ULK4: variants seen among roughly 807,000 people sequenced by gnomAD.
ULK4 encodes the protein unc-51 like kinase 4.
In ULK4, 133 loss-of-function variants were observed where a neutral mutation model predicts 160.6. The ratio of observed to expected loss-of-function variants is 0.83; its 90% confidence interval spans 0.72 to 0.96. The LOEUF is 0.96. ULK4 is among the 40% of genes least tolerant of loss of function. The probability of loss-of-function intolerance (pLI) is 0.00; values close to 1 mark genes in which losing one functional copy is unlikely to be tolerated. For synonymous variants in ULK4, 534 were observed against 539.8 expected, an observed-to-expected ratio of 0.99 and a Z score of 0.15; for missense variants, 1,580 against 1,499.5, an observed-to-expected ratio of 1.05 and a Z score of -0.89.
At chr3:41,879,358 G>A (rs1322935558) in intron 17 of ULK4, among the ~76,000 whole-genome samples, 6 of 151,972 alleles carry the variant, frequency 3.9e-5, no homozygotes, top group Admixed American at 6.6e-5. Flanking sequence ...AAAGAGAGAG[G>A]GAGAGAAAAA....
intron 17 of ULK4, among the ~76,000 whole-genome samples, chr3:41,863,893 A>G (rs1405335552): frequency 1.3e-5 from 2 of 151,276 alleles, no homozygotes; most frequent in East Asian, 3.9e-4. Context: ...TGGAGCCGCG[A>G]GCTATGCAGC....
intron 17 of ULK4, among the ~76,000 whole-genome samples, chr3:41,848,017 G>A (rs2042114007): frequency 6.6e-6 from 1 of 152,170 alleles, no homozygotes; most frequent in Non-Finnish European, 1.5e-5. Context: ...GATCTCTGGT[G>A]ACATCTGCAC....
At chr3:41,736,120 T>C (rs1443782341) in intron 22 of ULK4, among the ~76,000 whole-genome samples, 1 of 151,574 alleles carries the variant, frequency 6.6e-6, no homozygotes, top group Non-Finnish European at 1.5e-5. Flanking sequence ...GTTTCAAGTC[T>C]TTGCTATTGT....
At chr3:41,620,131 G>A (rs1252137003) in intron 30 of ULK4, among the ~76,000 whole-genome samples, 1 of 151,952 alleles carries the variant, frequency 6.6e-6, no homozygotes, top group East Asian at 1.9e-4. Flanking sequence ...ATAACCTACT[G>A]GCCAAAAAGA....
chr3:41,617,663 G>A (rs1575488287), intron 30 of ULK4, among the ~76,000 whole-genome samples: 1 of 152,224 alleles, frequency 6.6e-6, no homozygotes, highest in East Asian at 1.9e-4. Flanking sequence ...TGAAGATGAG[G>A]GAAAGTCAGC....
chr3:41,640,328 T>TGCTTG (rs1287446057), intron 30 of ULK4, among the ~76,000 whole-genome samples: 1 of 152,212 alleles, frequency 6.6e-6, no homozygotes, highest in African/African-American at 2.4e-5. Context: ...TGCCACTGCC[T>TGCTTG]GCTTGGAGCC....
intron 31 of ULK4, among the ~76,000 whole-genome samples, chr3:41,587,357 C>A (rs889069501): frequency 6.6e-6 from 1 of 152,160 alleles, no homozygotes; most frequent in Non-Finnish European, 1.5e-5. Context: ...TTAGGCCCAC[C>A]TGCATAATCT....
chr3:41,782,394 G>A (rs1431784675), intron 21 of ULK4, among the ~76,000 whole-genome samples: 8 of 151,988 alleles, frequency 5.3e-5, no homozygotes, highest in Non-Finnish European at 8.8e-5. Context: ...TGATTTCTGC[G>A]CTCAAATTTA....
chr3:41,721,643 G>C (rs1001038105), intron 22 of ULK4, among the ~76,000 whole-genome samples: 2 of 151,842 alleles, frequency 1.3e-5, no homozygotes, highest in Non-Finnish European at 2.9e-5. Flanking sequence ...TGGGATTACA[G>C]GCGTGAGCCA....
chr3:41,273,450 C>A (rs972498652), intron 35 of ULK4, among the ~76,000 whole-genome samples: 7 of 152,150 alleles, frequency 4.6e-5, no homozygotes, highest in African/African-American at 1.7e-4. Context: ...ACCTCACATA[C>A]AGGCACTGAT....
rs181950356 is a variant in ULK4, at chr3:41,486,532, G to T, written c.3227-23279C>A. Among the ~76,000 whole-genome samples the T allele has an allele frequency of 1.4e-3, 215 of 152,316 alleles. 1 individual carries two copies. Among genetic ancestry groups the T allele is most frequent in the Non-Finnish European group, 2.1e-3 (140 of 68,024 alleles). Reference sequence around the variant, plus strand: ...ATCACGAAAAGACTGAACGGTGTCAGGTATGCACTGACTGGATGTTGTTGG... The same window carrying T: ...ATCACGAAAAGACTGAACGGTGTCATGTATGCACTGACTGGATGTTGTTGG... On this transcript the variant is annotated intron_variant, in intron 32 of 36. Transcript: ENST00000301831.
At chr3:41,475,575 T>C (rs554807861) in intron 32 of ULK4, among the ~76,000 whole-genome samples, 17 of 152,194 alleles carry the variant, frequency 1.1e-4, no homozygotes, top group Non-Finnish European at 2.5e-4. Context: ...TAAATTACAA[T>C]ATCACTTTGT....
At chr3:41,895,416 A>G in intron 16 of ULK4, 102 bp downstream of exon 16, 1 of 605,290 alleles carries the variant, frequency 1.7e-6, no homozygotes, top group Non-Finnish European at 2.6e-6. Flanking sequence ...CATCAGAATA[A>G]TTTATGATAA....
Position 41,907,961 on chromosome 3 carries a change from T to C in ULK4, c.1086-20A>G. 6.5e-7 allele frequency: 1 copy of C among 1,548,836 alleles called. No homozygotes were observed. Among genetic ancestry groups the C allele is most frequent in the Non-Finnish European group, 8.8e-7 (1 of 1,140,156 alleles). ...CGAGAACTGAAAAATACAAACCAGTTAACATTATTCAATTCCAGACAGTTT... is the reference window on the plus strand; with the variant it reads ...CGAGAACTGAAAAATACAAACCAGTCAACATTATTCAATTCCAGACAGTTT... On this transcript the variant is annotated intron_variant, in intron 11 of 36. Coordinates refer to ENST00000301831, the MANE Select transcript of ULK4 (RefSeq NM_017886.4).
At chr3:41,619,216 C>T (rs571337728) in intron 30 of ULK4, among the ~76,000 whole-genome samples, 31 of 151,492 alleles carry the variant, frequency 2.0e-4, no homozygotes, top group African/African-American at 4.3e-4. Context: ...ATTAGACCAA[C>T]GAGACAAAAA....
At chr3:41,658,444 T>C (rs2035021521) in intron 30 of ULK4, among the ~76,000 whole-genome samples, 1 of 152,184 alleles carries the variant, frequency 6.6e-6, no homozygotes, top group East Asian at 1.9e-4. Context: ...TGATAAGCAA[T>C]TCCACGTCTC....
intron 35 of ULK4, among the ~76,000 whole-genome samples, chr3:41,259,093 CATATATGTATATGT>C (rs2078895984): frequency 7.1e-6 from 1 of 139,954 alleles, no homozygotes; most frequent in Non-Finnish European, 1.5e-5. Context: ...GATATATATA[CATATATGTATATGT>C]ATATATGTGT....
At chr3:41,620,881 C>T (rs758282577) in intron 30 of ULK4, among the ~76,000 whole-genome samples, 2 of 152,066 alleles carry the variant, frequency 1.3e-5, no homozygotes, top group Non-Finnish European at 2.9e-5. Context: ...CATCTCAGCC[C>T]AAAAGTTCCT....
chr3:41,805,149 T>G (rs1198992644), intron 19 of ULK4, among the ~76,000 whole-genome samples: 1 of 152,226 alleles, frequency 6.6e-6, no homozygotes, highest in Non-Finnish European at 1.5e-5. Flanking sequence ...TGTATCCTCT[T>G]TAATTTCATT....
Sources: allele counts gnomAD v4.1 joint callset (sites outside exome capture counted in the v4.1 genomes callset), GRCh38; gene constraint gnomAD v4.1.1; transcripts MANE v1.5; gene names NCBI Gene and HGNC (gene_info 2026-07-23, HGNC 2026-07-21).